The following CHID1 variants were observed in gnomAD, a reference collection of about 807,000 sequenced individuals.
The protein encoded by CHID1 is chitinase domain containing 1, also known as chitinase domain-containing protein 1.
A neutral mutation model predicts 55.4 loss-of-function variants in CHID1; 44 were observed. The ratio of observed to expected loss-of-function variants is 0.79; its 90% CI spans 0.62 to 1.02. The LOEUF is 1.02. Among genes scored for constraint, CHID1 ranks in the 50% least tolerant of loss-of-function variants. CHID1 has a pLI of 0.00. For missense variants in CHID1, 491 were observed against 515.3 expected, an observed-to-expected ratio of 0.95 and a Z score of 0.46; for synonymous variants, 216 against 212.9, an observed-to-expected ratio of 1.01 and a Z score of -0.13.
intron 7 of CHID1, 90 bp downstream of exon 7, chr11:899,250 G>C (rs1461550333): frequency 1.6e-6 from 2 of 1,272,820 alleles, no homozygotes; most frequent in East Asian, 5.1e-5. Context: ...TGGAAGGAAG[G>C]CCCTCCCCAA....
At chr11:884,486 G>A (rs376719383) in intron 8 of CHID1, among the ~76,000 whole-genome samples, 3 of 152,302 alleles carry the variant, frequency 2.0e-5, no homozygotes, top group Non-Finnish European at 4.4e-5. Context: ...GAGTGGCCAA[G>A]AGGATGGGCC....
intron 1 of CHID1, among the ~76,000 whole-genome samples, chr11:906,231 G>A (rs746091076): frequency 5.8e-4 from 87 of 151,146 alleles, no homozygotes; most frequent in Non-Finnish European, 1.0e-3. Flanking sequence ...CACTGCGCCC[G>A]GCTGTGGGAC....
At chr11:893,646 T>A in intron 7 of CHID1, 127 bp from the exon 8 acceptor site, 2 of 684,878 alleles carry the variant, frequency 2.9e-6, no homozygotes, top group Non-Finnish European at 4.9e-6. Context: ...GCAGGGCAGG[T>A]GGGCCCCTTC....
intron 7 of CHID1, 86 bp from the exon 8 acceptor site, chr11:893,605 G>A: frequency 9.1e-7 from 1 of 1,104,026 alleles, no homozygotes; most frequent in Non-Finnish European, 1.3e-6. Context: ...TCAGGGAGGG[G>A]TGGGGCTGGT....
At chr11:912,175 A>G (rs536348645), upstream of CHID1, among the ~76,000 whole-genome samples, 4 of 152,226 alleles carry the variant, frequency 2.6e-5, no homozygotes, top group South Asian at 8.3e-4. Context: ...TACAGAAATT[A>G]GGCGTGGTGG....
At chr11:900,347 C>T (rs896123426) in intron 5 of CHID1, among the ~76,000 whole-genome samples, 35 of 152,218 alleles carry the variant, frequency 2.3e-4, no homozygotes, top group African/African-American at 7.2e-4. Context: ...AGTCCTGGTC[C>T]CCTGACACCA....
rs1850211080 is a variant in CHID1 at position 884,077 on chromosome 11, G to C, written c.794C>G (p.Thr265Arg). 2 of 1,613,466 alleles carry C rather than the reference G, an allele frequency of 1.2e-6. No homozygotes were observed. The highest frequency in any genetic ancestry group is 1.3e-5 in the African/African-American group (1 of 74,920). Residue 265 changes from threonine (T) to arginine (R), a missense_variant, in exon 9 of 13, where the codon ACA (threonine) becomes AGA (arginine). Thr to Arg is a moderately conservative substitution (Grantham distance 71, BLOSUM62 -1). Transcript: ENST00000323578. Reference sequence around the variant, plus strand: ...CCAAGCCCACACTCACTGATGCGCTGTAGAGTAGTCGTAGGTCATGAGGCT... The same window carrying C: ...CCAAGCCCACACTCACTGATGCGCTCTAGAGTAGTCGTAGGTCATGAGGCT... ...GFSLMTYDYS[T>R]AHQPGPNAPL...
At chr11:900,665 G>A (rs1163247371) in intron 5 of CHID1, among the ~76,000 whole-genome samples, 3 of 152,170 alleles carry the variant, frequency 2.0e-5, no homozygotes, top group Admixed American at 6.5e-5. Context: ...AGGAAGAAAT[G>A]GGATTGAGAA....
At chr11:893,991 A>C (rs1235896912) in intron 7 of CHID1, among the ~76,000 whole-genome samples, 1 of 152,066 alleles carries the variant, frequency 6.6e-6, no homozygotes, top group Non-Finnish European at 1.5e-5. Context: ...GTGTGGTGGC[A>C]GGTTCCTGTA....
chr11:913,629 C>T (rs561242155), upstream of CHID1, among the ~76,000 whole-genome samples: 8 of 150,836 alleles, frequency 5.3e-5, no homozygotes, highest in Middle Eastern at 6.9e-3. Context: ...AAAAAGTAGC[C>T]GGGCTTGGTG....
intron 1 of CHID1, among the ~76,000 whole-genome samples, chr11:906,125 G>C (rs1318618300): frequency 6.6e-6 from 1 of 152,150 alleles, no homozygotes; most frequent in African/African-American, 2.4e-5. Context: ...ATAGAGATGA[G>C]GTTTCACCAC....
In CHID1 at chr11:904,778, G is replaced by A; in HGVS notation, c.39C>T (p.Ala13=). The A allele has an allele frequency of 6.2e-7, 1 of 1,614,108 alleles. No individual in the cohort carries two copies. The highest frequency in any genetic ancestry group is 1.1e-5 in the South Asian group (1 of 91,086). Residue 13 remains alanine, a synonymous_variant, in exon 2 of 13, where the codon GCC becomes GCT. Transcript: ENST00000323578. ...TLFNLLWLAL[A]CSPVHTTLSK... ...ACAGGGTAGTGTGAACAGGGCTGCAGGCCAGGGCAAGCCAGAGGAGGTTGA... is the reference window on the plus strand; with the variant it reads ...ACAGGGTAGTGTGAACAGGGCTGCAAGCCAGGGCAAGCCAGAGGAGGTTGA...
chr11:895,029 G>A (rs1219005026), intron 7 of CHID1, among the ~76,000 whole-genome samples: 3 of 152,190 alleles, frequency 2.0e-5, no homozygotes, highest in Admixed American at 2.0e-4. Flanking sequence ...CTGCAGCTGT[G>A]TCCACAACTC....
Position 893,167 on chromosome 11 carries a change from CCTCTGTGA to C in CHID1, c.701+252_701+259del, listed in dbSNP as rs1452098303. ...CCCCAGCCAAGCCAGCCCTGCCTGG[CCTCTGTGA>C]CTCCCCAACCCAGCCTGCTTCTGTC... On this transcript the variant is annotated intron_variant, in intron 8 of 12. Transcript: ENST00000323578. 3.3e-5 allele frequency among the ~76,000 whole-genome samples: 5 copies of C among 152,338 alleles called. No homozygotes were observed. The South Asian group carries it at 1.0e-3, about 32-fold the overall frequency.
At chr11:908,875 A>C (rs535262002) in intron 1 of CHID1, among the ~76,000 whole-genome samples, 42 of 152,302 alleles carry the variant, frequency 2.8e-4, no homozygotes, top group African/African-American at 1.0e-3. Context: ...TTCACACTTC[A>C]GGGAAGGAAG....
chr11:886,569 G>C (rs1462572608), intron 8 of CHID1, among the ~76,000 whole-genome samples: 2 of 152,242 alleles, frequency 1.3e-5, no homozygotes, highest in East Asian at 1.9e-4. Context: ...GGTGATTAGA[G>C]CTAGACGAGG....
chr11:874,937 G>C (rs1385002829), intron 10 of CHID1: 1 of 152,450 alleles, frequency 6.6e-6, no homozygotes, highest in South Asian at 2.1e-4. Flanking sequence ...ATGAGGCCCG[G>C]CTCTGGCCTC....
At chr11:902,511 A>G (rs1168717774) in intron 3 of CHID1, among the ~76,000 whole-genome samples, 181 bp from the exon 4 acceptor site, 1 of 152,182 alleles carries the variant, frequency 6.6e-6, no homozygotes, top group Non-Finnish European at 1.5e-5. Context: ...TGCCACTCAC[A>G]GCCTGGGACC....
upstream of CHID1, chr11:911,195 C>T (rs1431837267): frequency 6.6e-6 from 1 of 151,788 alleles, no homozygotes; most frequent in Non-Finnish European, 1.5e-5. Flanking sequence ...GGGCTCCGCC[C>T]CGGCACGCTC....
Sources: gnomAD v4.1 joint callset for allele counts (sites outside exome capture counted in the v4.1 genomes callset) on GRCh38, gnomAD v4.1.1 for gene constraint, MANE v1.5 for transcripts, NCBI Gene and HGNC (gene_info 2026-07-23, HGNC 2026-07-21) for gene names.